CALN1: variants seen among roughly 807,000 people sequenced by gnomAD.
CALN1 encodes the protein calcium-binding protein 8.
A neutral mutation model predicts 30.6 loss-of-function variants in CALN1; 17 were observed. The observed-to-expected ratio is 0.56, with a 90% CI of 0.38 to 0.83. CALN1 has a LOEUF of 0.83. Ranked by LOEUF, CALN1 falls within the 40% of genes least tolerant of loss-of-function variation. The pLI is 0.00. For synonymous variants in CALN1, 156 were observed against 131.4 expected (o/e 1.19, Z -1.28); for missense variants, 291 against 354.9 (o/e 0.82, Z 1.45).
At chr7:72,047,066 AAAAT>A (rs1563007672) in intron 4 of CALN1, among the ~76,000 whole-genome samples, 3 of 152,190 alleles carry the variant, frequency 2.0e-5, no homozygotes, top group Non-Finnish European at 2.9e-5. Flanking sequence ...CTGTCTCAAA[AAAAT>A]AAATAAATAA....
chr7:71,849,387 G>A (rs1468491958), intron 5 of CALN1, among the ~76,000 whole-genome samples: 5 of 149,030 alleles, frequency 3.4e-5, no homozygotes, highest in Non-Finnish European at 7.4e-5. Context: ...GTATATGTGT[G>A]TCTTGATATT....
chr7:71,794,722 C>A (rs1183284143), intron 6 of CALN1, among the ~76,000 whole-genome samples: 2 of 152,208 alleles, frequency 1.3e-5, no homozygotes, highest in East Asian at 3.8e-4. Flanking sequence ...TCATCCTATT[C>A]CCTGCAGCCT....
chr7:72,245,202 G>A (rs1795080226), intron 3 of CALN1, among the ~76,000 whole-genome samples: 1 of 152,186 alleles, frequency 6.6e-6, no homozygotes, highest in Non-Finnish European at 1.5e-5. Context: ...CATCTGTGCA[G>A]GCAGCCCAGC....
chr7:72,232,437 C>T (rs993853023), intron 3 of CALN1, among the ~76,000 whole-genome samples: 28 of 151,358 alleles, frequency 1.8e-4, no homozygotes, highest in African/African-American at 6.4e-4. Flanking sequence ...GCAATGGACT[C>T]GTAGAAAGCT....
intron 5 of CALN1, among the ~76,000 whole-genome samples, chr7:71,997,241 A>G (rs6963985): frequency 6.0e-4 from 88 of 147,028 alleles, no homozygotes; most frequent in Middle Eastern, 3.4e-3. Context: ...TCTAAAAAAA[A>G]AAAGAAAGAA....
chr7:71,839,560 T>C (rs1423338738), intron 5 of CALN1, among the ~76,000 whole-genome samples: 1 of 152,114 alleles, frequency 6.6e-6, no homozygotes, highest in Non-Finnish European at 1.5e-5. Flanking sequence ...CACTGCTGTA[T>C]AACAGCTTAA....
chr7:71,862,774 T>C (rs1346106934), intron 5 of CALN1, among the ~76,000 whole-genome samples: 1 of 152,182 alleles, frequency 6.6e-6, no homozygotes, highest in Non-Finnish European at 1.5e-5. Context: ...TTCTTCTAAG[T>C]AAGGCAATAT....
chr7:71,852,320 G>A (rs1308782428), intron 5 of CALN1, among the ~76,000 whole-genome samples: 3 of 151,950 alleles, frequency 2.0e-5, no homozygotes, highest in African/African-American at 7.3e-5. Flanking sequence ...TTGGGTTAAA[G>A]AACAAGTATG....
At chr7:72,261,733 T>C (rs941644396) in intron 3 of CALN1, among the ~76,000 whole-genome samples, 4 of 152,140 alleles carry the variant, frequency 2.6e-5, no homozygotes, top group African/African-American at 9.7e-5. Flanking sequence ...CAGCTTATTT[T>C]AGCAGCTTTA....
chr7:72,311,205 T>C (rs981611810), intron 2 of CALN1, among the ~76,000 whole-genome samples: 1 of 152,130 alleles, frequency 6.6e-6, no homozygotes, highest in Non-Finnish European at 1.5e-5. Flanking sequence ...TAGTAATAAA[T>C]AGATTTTCTC....
chr7:72,399,874 G>A (rs775200189), intron 2 of CALN1, among the ~76,000 whole-genome samples: 3 of 152,164 alleles, frequency 2.0e-5, no homozygotes, highest in African/African-American at 7.2e-5. Flanking sequence ...CCCTTCCTGT[G>A]ATAATGAGTG....
intron 3 of CALN1, among the ~76,000 whole-genome samples, chr7:72,271,859 C>CA (rs1389014286): frequency 1.3e-5 from 2 of 151,440 alleles, no homozygotes; most frequent in East Asian, 3.9e-4. Context: ...GTCAGGAATT[C>CA]AAGACTAGCC....
chr7:71,874,064 C>T (rs183884912), intron 5 of CALN1, among the ~76,000 whole-genome samples: 6 of 152,166 alleles, frequency 3.9e-5, no homozygotes, highest in East Asian at 1.9e-4. Flanking sequence ...CACTTGAGAT[C>T]GGGAGTTTGA....
intron 4 of CALN1, among the ~76,000 whole-genome samples, chr7:72,079,210 C>T (rs1011531606): frequency 1.3e-4 from 20 of 152,176 alleles, no homozygotes; most frequent in African/African-American, 4.3e-4. Flanking sequence ...TCAGATCATA[C>T]TGGGAGACCT....
intron 4 of CALN1, among the ~76,000 whole-genome samples, chr7:72,077,645 G>A (rs1174486903): frequency 2.0e-5 from 3 of 151,974 alleles, no homozygotes; most frequent in Admixed American, 1.3e-4. Context: ...GTTTTCCCTG[G>A]ACAAAATCTA....
chr7:72,065,999 G>A (rs559787056), intron 4 of CALN1, among the ~76,000 whole-genome samples: 4 of 152,196 alleles, frequency 2.6e-5, no homozygotes, highest in South Asian at 4.1e-4. Context: ...AGTAAAATTC[G>A]CATTATTGAT....
rs1467217269 is a variant in CALN1 at position 72,363,853 on chromosome 7, G to A, written c.119+39398C>T. 2.7e-5 allele frequency among the ~76,000 whole-genome samples: 4 copies of A among 148,930 alleles called. No individual in the cohort carries two copies. In the East Asian group the frequency reaches 8.0e-4, roughly 30 times the overall value. On this transcript the variant is annotated intron_variant, in intron 2 of 6. Coordinates refer to ENST00000395275, the MANE Select transcript of CALN1 (RefSeq NM_031468.4). ...AGTGATTTGCAATTCTCTTGCCTCA[G>A]CCTCCCAAGTAGCTGCGATTACAGG...
At chr7:71,806,022 C>T (rs1051870752) in intron 6 of CALN1, among the ~76,000 whole-genome samples, 4 of 152,066 alleles carry the variant, frequency 2.6e-5, no homozygotes, top group Admixed American at 6.5e-5. Context: ...CACTCATAAG[C>T]GGGAGCTGAA....
the CALN1 span, among the ~76,000 whole-genome samples, chr7:72,491,864 T>G: frequency 6.6e-6 from 1 of 152,218 alleles, no homozygotes; most frequent in Non-Finnish European, 1.5e-5. Flanking sequence ...TAGCAAACAC[T>G]GAGACACTGT....
Sources: gnomAD v4.1 joint callset for allele counts (sites outside exome capture counted in the v4.1 genomes callset) on GRCh38, gnomAD v4.1.1 for gene constraint, MANE v1.5 for transcripts, NCBI Gene and HGNC (gene_info 2026-07-23, HGNC 2026-07-21) for gene names.